ARMC3: variants seen among roughly 807,000 people sequenced by gnomAD.
The protein encoded by ARMC3 is armadillo repeat containing 3.
ARMC3 carries 74 observed loss-of-function variants against 90.3 expected under a neutral mutation model. That is an observed-to-expected ratio of 0.82 (90% CI 0.68 to 0.99). The LOEUF is 0.99. Ranked by LOEUF, ARMC3 falls within the 50% of genes least tolerant of loss-of-function variation. The pLI, the probability that ARMC3 is intolerant of heterozygous loss-of-function variation, is 0.00. For missense variants in ARMC3, 958 were observed against 1,042.8 expected, an observed-to-expected ratio of 0.92 and a Z score of 1.12; for synonymous variants, 334 against 361.8, an observed-to-expected ratio of 0.92 and a Z score of 0.87.
chr10:22,973,293 T>TTAATAATAATAA (rs148238155), intron 8 of ARMC3, among the ~76,000 whole-genome samples: 3 of 140,910 alleles, frequency 2.1e-5, no homozygotes, highest in African/African-American at 5.3e-5. Context: ...AGCAAGACCC[T>TTAATAATAATAA]TAATAATAAT....
At chr10:22,989,109 T>C (rs1588884679) in intron 10 of ARMC3, among the ~76,000 whole-genome samples, 1 of 152,276 alleles carries the variant, frequency 6.6e-6, no homozygotes. Flanking sequence ...AAAAAGGTAA[T>C]GGAAGGATGG....
At chr10:22,965,637 TC>T (rs1835409652) in intron 7 of ARMC3, among the ~76,000 whole-genome samples, 1 of 152,132 alleles carries the variant, frequency 6.6e-6, no homozygotes, top group African/African-American at 2.4e-5. Flanking sequence ...ATTCCTTCTC[TC>T]CCTCCGGAAC....
At chr10:22,986,823 A>T (rs528207794) in intron 10 of ARMC3, among the ~76,000 whole-genome samples, 98 of 152,292 alleles carry the variant, frequency 6.4e-4, no homozygotes, top group African/African-American at 2.3e-3. Flanking sequence ...CAGAATAAAG[A>T]TAACTTAAAG....
intron 8 of ARMC3, among the ~76,000 whole-genome samples, chr10:22,970,745 A>C (rs930991644): frequency 6.6e-6 from 1 of 152,200 alleles, no homozygotes. Flanking sequence ...TGAAAGAGGA[A>C]GAAGGCGATA....
intron 4 of ARMC3, among the ~76,000 whole-genome samples, chr10:22,957,876 C>T (rs1835014315): frequency 6.6e-6 from 1 of 152,128 alleles, no homozygotes; most frequent in Non-Finnish European, 1.5e-5. Context: ...TTTTATTCTA[C>T]TTACATACCA....
rs529851041 is a variant in ARMC3, at chr10:22,930,344, A to G, written c.-1-1652A>G. ...AAAATTAGTGTTAATTAAATGTTTT[A>G]TTAATATAAATTTTTATTACATTTG... On this transcript the variant is annotated intron_variant, in intron 1 of 18. Coordinates refer to ENST00000298032, the MANE Select transcript of ARMC3 (RefSeq NM_173081.5). Among the ~76,000 whole-genome samples, 12 of 152,334 alleles carry G rather than the reference A, an allele frequency of 7.9e-5. No homozygotes were observed. In the South Asian group the frequency reaches 2.5e-3, roughly 32 times the overall value.
rs1358360090 is a variant in ARMC3, at chr10:23,002,179, C to T, written c.1562+124C>T. ...GCTCTCTCAGTCCGCTGAAGCGCTG[C>T]ATGTCCCCAGGGCGGGCCTTGGCTT... is the stretch of plus-strand genomic sequence containing the variant. On this transcript the variant is annotated intron_variant, in intron 12 of 18. Coordinates refer to ENST00000298032, the MANE Select transcript of ARMC3 (RefSeq NM_173081.5). 3 of 1,382,720 alleles carry T rather than the reference C, an allele frequency of 2.2e-6. No homozygotes were observed. In the East Asian group the frequency reaches 7.7e-5, roughly 36 times the overall value. 85.7% of individuals were successfully genotyped at this position (1,382,720 alleles called of 1,614,324 possible).
Position 23,003,362 on chromosome 10 carries a change from G to A in ARMC3, c.1679G>A (p.Gly560Asp), listed in dbSNP as rs749455460. The change falls in exon 13 of 19, where the codon GGC becomes GAC. Residue 560 changes from glycine (G) to aspartate (D), a missense_variant. Transcript: ENST00000298032. ...CTTTCCCTGAAATACAGCCAGACTG[G>A]CTATTTGTCATCAAGTAACATAATT... ...NNLSLKYSQT[G>D]YLSSSNIIND... 38 of 1,611,884 alleles carry A rather than the reference G, an allele frequency of 2.4e-5. No homozygotes were observed. In the East Asian group the frequency reaches 8.5e-4, roughly 36 times the overall value.
intron 11 of ARMC3, among the ~76,000 whole-genome samples, chr10:22,998,950 T>C (rs1342581357): frequency 1.3e-5 from 2 of 152,138 alleles, no homozygotes; most frequent in Non-Finnish European, 2.9e-5. Context: ...TAAAGAAAAT[T>C]GAGGGAATGC....
intron 16 of ARMC3, among the ~76,000 whole-genome samples, chr10:23,014,668 G>C (rs896687563): frequency 1.3e-5 from 2 of 152,076 alleles, no homozygotes; most frequent in African/African-American, 2.4e-5. Context: ...GATGGAGCTG[G>C]AAGTCATTAT....
chr10:22,967,406 A>G (rs530848763), intron 7 of ARMC3, among the ~76,000 whole-genome samples: 1 of 152,278 alleles, frequency 6.6e-6, no homozygotes, highest in African/African-American at 2.4e-5. Flanking sequence ...TCAGACAATA[A>G]TGAGATCATA....
chr10:22,998,917 T>G (rs1837151205), intron 11 of ARMC3, among the ~76,000 whole-genome samples: 1 of 152,258 alleles, frequency 6.6e-6, no homozygotes, highest in South Asian at 2.1e-4. Context: ...TGTTTTGGCA[T>G]GCATACATAT....
At position 22,988,152 on chromosome 10, in the gene ARMC3, G is replaced by A. The variant is rs371854759; in HGVS notation, c.1175+6452G>A. Reference sequence around the variant, plus strand: ...ATTATCAGTATTAAACATTCTTTTCGCTAATATAGAAATAAAGCATTGACT... The same window carrying A: ...ATTATCAGTATTAAACATTCTTTTCACTAATATAGAAATAAAGCATTGACT... On this transcript the variant is annotated intron_variant, in intron 10 of 18. Transcript: ENST00000298032. Among the ~76,000 whole-genome samples, 5 of 152,232 alleles carry A rather than the reference G, an allele frequency of 3.3e-5. No individual in the cohort carries two copies. The South Asian group carries it at 6.2e-4, about 19-fold the overall frequency.
In ARMC3 at chr10:23,037,663, T is replaced by C; in HGVS notation, c.*184T>C. Reference sequence around the variant, plus strand: ...TTGCTGTGCTTCTGATTTCAGGCTTTTGGCAAGAGTTCTGTCTTATTAGGT... The same window carrying C: ...TTGCTGTGCTTCTGATTTCAGGCTTCTGGCAAGAGTTCTGTCTTATTAGGT... On this transcript the variant is annotated 3_prime_UTR_variant, in exon 19 of 19. Transcript: ENST00000298032. The C allele has an allele frequency of 1.7e-6, 1 of 580,456 alleles. No individual in the cohort carries two copies. The highest frequency in any genetic ancestry group is 3.4e-5 in the South Asian group (1 of 29,460). The allele number at this position is 580,456 out of a possible 1,614,324, so 36.0% of individuals were successfully genotyped here. A position where few individuals can be genotyped will look rare whatever the true frequency, so the allele number is the denominator to read the frequency against.
Position 22,981,570 on chromosome 10 carries a change from C to T in ARMC3, c.1070-25C>T, listed in dbSNP as rs1836190666. ...GTGCACATGGGCATTTTAAAAGTCA[C>T]ATTTTTACCTTTCTCTTTCTGTAGG... On this transcript the variant is annotated intron_variant, in intron 9 of 18. Coordinates refer to ENST00000298032, the MANE Select transcript of ARMC3 (RefSeq NM_173081.5). 4 of 1,613,584 alleles carry T rather than the reference C, an allele frequency of 2.5e-6. No homozygotes were observed. The African/African-American group carries it at 4.0e-5, about 16-fold the overall frequency.
chr10:23,030,258 A>G (rs1317498344), intron 16 of ARMC3, among the ~76,000 whole-genome samples: 2 of 152,170 alleles, frequency 1.3e-5, no homozygotes, highest in Non-Finnish European at 2.9e-5. Context: ...ATGAAGCCCT[A>G]TAGATACCAA....
At chr10:22,966,084 T>C (rs959391231) in intron 7 of ARMC3, among the ~76,000 whole-genome samples, 12 of 152,218 alleles carry the variant, frequency 7.9e-5, no homozygotes, top group African/African-American at 2.9e-4. Context: ...CTTCTGAGGA[T>C]TGTGGCTATT....
At chr10:22,982,015 G>A (rs977347212) in intron 10 of ARMC3, among the ~76,000 whole-genome samples, 3 of 152,128 alleles carry the variant, frequency 2.0e-5, no homozygotes, top group East Asian at 3.8e-4. Flanking sequence ...AGACAAGATC[G>A]GATGAGCATT....
At position 22,991,720 on chromosome 10, in the gene ARMC3, C is replaced by T. The variant is rs373635322; in HGVS notation, c.1176-6428C>T. On this transcript the variant is annotated intron_variant, in intron 10 of 18. Coordinates refer to ENST00000298032, the MANE Select transcript of ARMC3 (RefSeq NM_173081.5). The stretch of plus-strand genomic sequence containing the variant: ...AAGGGGCCTAGAGAATGATACAGGG[C>T]TTGTTAAGGAAGGGCTCTCTGAAAA... Among the ~76,000 whole-genome samples the T allele has an allele frequency of 2.0e-4, 30 of 152,260 alleles. No individual in the cohort carries two copies. The East Asian group carries it at 5.6e-3, about 28-fold the overall frequency.
Sources: gnomAD v4.1 joint callset for allele counts (sites outside exome capture counted in the v4.1 genomes callset) on GRCh38, gnomAD v4.1.1 for gene constraint, MANE v1.5 for transcripts, NCBI Gene and HGNC (gene_info 2026-07-23, HGNC 2026-07-21) for gene names.